Variants in MYH6 observed in about 807,000 individuals in gnomAD.
MYH6 encodes myosin heavy chain 6.
Under a neutral mutation model 223.2 loss-of-function variants are expected in MYH6, and 126 were observed. The ratio of observed to expected loss-of-function variants is 0.56; its 90% CI spans 0.49 to 0.65. The LOEUF (loss-of-function observed/expected upper bound fraction) is 0.65. MYH6 is among the 30% of genes least tolerant of loss of function. The pLI is 0.00. For missense variants in MYH6, 2,040 were observed against 2,536.4 expected (o/e 0.80, Z 4.20); for synonymous variants, 978 against 1,010.2 (o/e 0.97, Z 0.61).
chr14:23,395,295 C>T (rs989590035), intron 20 of MYH6, among the ~76,000 whole-genome samples: 1 of 152,228 alleles, frequency 6.6e-6, no homozygotes, highest in Non-Finnish European at 1.5e-5. Context: ...AATGTTCAAA[C>T]ATATTGTATC....
intron 12 of MYH6, among the ~76,000 whole-genome samples, chr14:23,402,082 G>T (rs72686224): frequency 8.5e-5 from 13 of 152,328 alleles, no homozygotes; most frequent in Non-Finnish European, 1.8e-4. Context: ...AATGCCCTGG[G>T]CTATGTCCTG....
intron 32 of MYH6, 52 bp downstream of exon 32, chr14:23,387,477 T>A: frequency 6.2e-7 from 1 of 1,608,100 alleles, no homozygotes. Flanking sequence ...GAGGGAGAAG[T>A]GGGAGACAGC....
At position 23,388,840 on chromosome 14, in the gene MYH6, G is replaced by C; in HGVS notation, c.4175+19C>G. 6.2e-7 allele frequency: 1 copy of C among 1,613,902 alleles called. No individual in the cohort carries two copies. Among genetic ancestry groups the C allele is most frequent in the Non-Finnish European group, 8.5e-7 (1 of 1,180,042 alleles). ...CCTTCCTCTCTGAGAGTCAGGTTAA[G>C]GGGGTATCTGGAGCTCACTTGGCCT... On this transcript the variant is annotated intron_variant, in intron 29 of 38. Coordinates refer to ENST00000405093, the MANE Select transcript of MYH6 (RefSeq NM_002471.4).
At chr14:23,397,969 TC>T (rs1891473980) in intron 15 of MYH6, among the ~76,000 whole-genome samples, 4 of 132,460 alleles carry the variant, frequency 3.0e-5, no homozygotes, top group African/African-American at 1.2e-4. Context: ...TTCTTCTTCT[TC>T]TTCTTCTTCT....
Position 23,398,972 on chromosome 14 carries a change from G to A in MYH6, c.1647C>T (p.Phe549=). ...CMFPKATDMT[F]KAKLYDNHLG... ...GGTGGTTGTCGTACAGCTTGGCCTT[G>A]AAGGTCATGTCAGTGGCCTTGGGGA... Residue 549 remains phenylalanine (F), a synonymous_variant, in exon 15 of 39, where the codon TTC becomes TTT. Transcript: ENST00000405093. The A allele has an allele frequency of 6.2e-7, 1 of 1,614,146 alleles. No homozygotes were observed. The highest frequency in any genetic ancestry group is 8.5e-7 in the Non-Finnish European group (1 of 1,180,020).
rs757728653 is a variant in MYH6, at chr14:23,397,044, C to T, written c.2087G>A (p.Arg696His). 21 of 1,614,062 alleles carry T rather than the reference C, an allele frequency of 1.3e-5. No homozygotes were observed. Among genetic ancestry groups the T allele is most frequent in the South Asian group, 2.2e-5 (2 of 91,086 alleles). The change falls in exon 18 of 39, where the codon CGC becomes CAC. Residue 696 changes from arginine (R) to histidine (H), a missense_variant. Physicochemically the swap from Arg to His is conservative, Grantham distance 29. Transcript: ENST00000405093. ...GATGCCCTCCAGCACGCCATTGCAGCGCAGCTGGTGCATGACCAGGGGGTT... is the reference window on the plus strand; with the variant it reads ...GATGCCCTCCAGCACGCCATTGCAGTGCAGCTGGTGCATGACCAGGGGGTT... ...MDNPLVMHQL[R>H]CNGVLEGIRI...
Position 23,405,591 on chromosome 14 carries a change from C to T in MYH6, c.345+36G>A. 1 of 1,613,976 alleles carries T rather than the reference C, an allele frequency of 6.2e-7. No homozygotes were observed. Among genetic ancestry groups the T allele is most frequent in the Non-Finnish European group, 8.5e-7 (1 of 1,179,894 alleles). On this transcript the variant is annotated intron_variant, in intron 4 of 38. Coordinates refer to ENST00000405093, the MANE Select transcript of MYH6 (RefSeq NM_002471.4). The surrounding 1 kb of genome is among the most constrained non-coding windows in gnomAD (Gnocchi z 4.7). ...CTGGCTTATTTAGGCCTCCACGCAGCACAGGAAGCCTCTGCAGTGTGCAGG... is the reference window on the plus strand; with the variant it reads ...CTGGCTTATTTAGGCCTCCACGCAGTACAGGAAGCCTCTGCAGTGTGCAGG...
In MYH6 at chr14:23,405,394, A is replaced by G. The variant is rs773519707; in HGVS notation, c.346-15T>C. 5.6e-6 allele frequency: 9 copies of G among 1,614,098 alleles called. No individual in the cohort carries two copies. In the Admixed American group the frequency reaches 1.3e-4, roughly 24 times the overall value. The stretch of plus-strand genomic sequence containing the variant: ...CCCGAGTAGGTCTGGAGCAGGAGAC[A>G]AGGCTGGGCATGAGGTTGGTGGGGA... On this transcript the variant is annotated splice_polypyrimidine_tract_variant and intron_variant, in intron 4 of 38. Transcript: ENST00000405093. This position sits in a 1 kb window ranked among gnomAD's most constrained non-coding sequence, Gnocchi z 4.7.
chr14:23,392,463 G>T (rs1891261288), intron 25 of MYH6, 99 bp downstream of exon 25: 3 of 940,642 alleles, frequency 3.2e-6, no homozygotes, highest in Non-Finnish European at 3.5e-6. Context: ...AGGCTGCCTG[G>T]AGTTCCAGAT....
chr14:23,389,693 C>T lies in MYH6; in HGVS notation c.3759G>A (p.Thr1253=), dbSNP rs761754298. ...AKANLEKVSR[T]LEDQANEYRV... is the part of the protein sequence containing the mutation. ...GGTACTCATTGGCCTGGTCCTCCAG[C>T]GTCCGAGACACTTTCTCCAGGTTTG... Residue 1253 remains threonine (T), a synonymous_variant, in exon 27 of 39, where the codon ACG becomes ACA. Coordinates refer to ENST00000405093, the MANE Select transcript of MYH6 (RefSeq NM_002471.4). 7 of 1,614,032 alleles carry T rather than the reference C, an allele frequency of 4.3e-6. No homozygotes were observed. The highest frequency in any genetic ancestry group is 2.2e-5 in the East Asian group (1 of 44,886).
intron 32 of MYH6, among the ~76,000 whole-genome samples, chr14:23,386,962 C>T (rs1324907352): frequency 6.6e-6 from 1 of 152,088 alleles, no homozygotes; most frequent in Non-Finnish European, 1.5e-5. Context: ...TTTCCAGGTC[C>T]CTCACCCTTT....
In MYH6 at chr14:23,383,282, G is replaced by A; in HGVS notation, c.5604C>T (p.Asp1868=). Residue 1868 remains aspartate (D), a synonymous_variant, in exon 37 of 39, where the codon GAC becomes GAT. Transcript: ENST00000405093. ...CCTTCAGTTGCAGCTTGTCCACCAG[G>A]TCCTGTAGCCGCAGCAGGTTCTTTT... ...EDKKNLLRLQ[D]LVDKLQLKVK... The A allele has an allele frequency of 6.6e-7, 1 of 1,525,602 alleles. No homozygotes were observed. The highest frequency in any genetic ancestry group is 8.8e-7 in the Non-Finnish European group (1 of 1,132,956). 94.5% of individuals were successfully genotyped at this position (1,525,602 alleles called of 1,614,324 possible).
rs374022661 is a variant in MYH6 at position 23,388,322 on chromosome 14, G to A, written c.4192C>T (p.Arg1398Trp). 2.6e-5 allele frequency: 42 copies of A among 1,612,984 alleles called. No homozygotes were observed. Among genetic ancestry groups the A allele is most frequent in the African/African-American group, 5.3e-5 (4 of 74,904 alleles). The change falls in exon 30 of 39, where the codon CGG (arginine) becomes TGG (tryptophan). Residue 1398 changes from arginine (R) to tryptophan (W), a missense_variant. This residue lies in a region of MYH6 where 1,203 missense variants were observed against 1,400.2 expected (regional missense o/e 0.86). Transcript: ENST00000405093. ...LEEAKKKLAQ[R>W]LQDAEEAVEA... ...ACGGCCTCCTCGGCATCCTGCAGCC[G>A]CTGGGCCAGCTTCTTTCTGCCCAGG...
At chr14:23,395,498 C>G (rs1182138280) in intron 20 of MYH6, among the ~76,000 whole-genome samples, 1 of 151,704 alleles carries the variant, frequency 6.6e-6, no homozygotes, top group Non-Finnish European at 1.5e-5. Context: ...GGAATGTACT[C>G]AGGAGTGGAA....
Position 23,403,296 on chromosome 14 carries a change from T to C in MYH6, c.898+52A>G, listed in dbSNP as rs182029699. 3.0e-3 allele frequency: 4,336 copies of C among 1,444,818 alleles called. 13 individuals are homozygous for C. The highest frequency in any genetic ancestry group is 6.7e-3 in the Middle Eastern group (38 of 5,714). 89.5% of individuals were successfully genotyped at this position (1,444,818 alleles called of 1,614,324 possible). On this transcript the variant is annotated intron_variant, in intron 10 of 38. Coordinates refer to ENST00000405093, the MANE Select transcript of MYH6 (RefSeq NM_002471.4). ...GGCCCTGCCCTGCATGCAGGAGTCG[T>C]TGGGGTGTGCAGCAGGGACAGCAGT...
At chr14:23,395,435 G>T (rs151063684) in intron 20 of MYH6, among the ~76,000 whole-genome samples, 2,305 of 152,308 alleles carry the variant, frequency 0.015, 48 homozygotes, top group East Asian at 0.082. Flanking sequence ...GACCAATGCT[G>T]CTAAAAGATT....
At position 23,401,655 on chromosome 14, in the gene MYH6, C is replaced by T. The variant is rs927164356; in HGVS notation, c.1142-678G>A. ...TGGCTGAGGGGCTAGATGTCCTCTG[C>T]TCCCTGTCTCCTTCGTTCTCTACCC... is the stretch of plus-strand genomic sequence containing the variant. On this transcript the variant is annotated intron_variant, in intron 12 of 38. Coordinates refer to ENST00000405093, the MANE Select transcript of MYH6 (RefSeq NM_002471.4). Among the ~76,000 whole-genome samples the T allele has an allele frequency of 4.6e-5, 7 of 152,344 alleles. No homozygotes were observed. The East Asian group carries it at 1.3e-3, about 29-fold the overall frequency.
rs8004990 is a variant in MYH6 at position 23,384,946 on chromosome 14, G to C, written c.5259C>G (p.Ala1753=). ...TGATGGCCTTCTTGGCCTTCTCCTC[G>C]GCGTTTCTGCACTCCTGCACTGCCT... is the stretch of plus-strand genomic sequence containing the variant. ...VEEAVQECRN[A]EEKAKKAITD... The change falls in exon 35 of 39, where the codon GCC becomes GCG. Residue 1753 remains alanine (A), a synonymous_variant. Coordinates refer to ENST00000405093, the MANE Select transcript of MYH6 (RefSeq NM_002471.4). The C allele has an allele frequency of 4.3e-6, 7 of 1,614,164 alleles. No individual in the cohort carries two copies. Among genetic ancestry groups the C allele is most frequent in the Non-Finnish European group, 5.1e-6 (6 of 1,180,030 alleles).
At position 23,383,206 on chromosome 14, in the gene MYH6, A is replaced by T; in HGVS notation, c.5661+19T>A. On this transcript the variant is annotated intron_variant, in intron 37 of 38. Transcript: ENST00000405093. ...TAGTAGGTGTGTTGATGAGAAAGGG[A>T]AGAAAGCTCTGAACTCACCGCCTCC... 6.2e-7 allele frequency: 1 copy of T among 1,602,138 alleles called. No homozygotes were observed. The highest frequency in any genetic ancestry group is 8.5e-7 in the Non-Finnish European group (1 of 1,170,344).
Sources: allele counts gnomAD v4.1 joint callset (sites outside exome capture counted in the v4.1 genomes callset), GRCh38; gene constraint gnomAD v4.1.1; regional missense constraint gnomAD v4.1.1; non-coding constraint Gnocchi (gnomAD v3.1); transcripts MANE v1.5; gene names NCBI Gene and HGNC (gene_info 2026-07-23, HGNC 2026-07-21).